CA5A: variants seen among roughly 807,000 people sequenced by gnomAD.
CA5A encodes the protein carbonic anhydrase 5A, mitochondrial.
Under a neutral mutation model 37.1 loss-of-function variants are expected in CA5A, and 28 were observed. The observed-to-expected ratio is 0.75, with a 90% CI of 0.56 to 1.03. CA5A has a LOEUF of 1.03. Among genes scored for constraint, CA5A ranks in the 50% least tolerant of loss-of-function variants. The probability of loss-of-function intolerance (pLI) is 0.00; values close to 1 mark genes in which losing one functional copy is unlikely to be tolerated. For synonymous variants in CA5A, 171 were observed against 158.4 expected, an observed-to-expected ratio of 1.08 and a Z score of -0.60; for missense variants, 444 against 399.9, an observed-to-expected ratio of 1.11 and a Z score of -0.94.
chr16:87,935,975 A>T (rs768456553), intron 1 of CA5A, among the ~76,000 whole-genome samples: 42 of 152,088 alleles, frequency 2.8e-4, no homozygotes, highest in Non-Finnish European at 5.9e-4. Flanking sequence ...GTTCGAGACC[A>T]ACCTGGCTAA....
At chr16:87,927,096 G>A (rs1019674623) in intron 1 of CA5A, 151 bp from the exon 2 acceptor site, 13 of 613,222 alleles carry the variant, frequency 2.1e-5, no homozygotes, top group African/African-American at 7.4e-5. Context: ...GGGCCCCTGC[G>A]CAGCGACGCA....
chr16:87,887,373 T>C (rs2055656941), downstream of CA5A: 1 of 152,126 alleles, frequency 6.6e-6, no homozygotes, highest in Non-Finnish European at 1.5e-5. Context: ...CCTCCCAAAG[T>C]GCTGGGATTA....
intron 2 of CA5A, among the ~76,000 whole-genome samples, chr16:87,919,341 A>G (rs1257526330): frequency 5.9e-5 from 9 of 152,270 alleles, no homozygotes; most frequent in East Asian, 1.9e-4. Flanking sequence ...CACTCTCCAA[A>G]CACACCTTGC....
intron 5 of CA5A, chr16:87,892,852 C>T (rs1315890912): frequency 5.4e-6 from 2 of 372,888 alleles, no homozygotes; most frequent in African/African-American, 2.2e-5. Context: ...GACAGGGTCT[C>T]ACCATGTTAG....
chr16:87,929,451 CAAAAA>C (rs138039345), intron 1 of CA5A, among the ~76,000 whole-genome samples: 40 of 88,138 alleles, frequency 4.5e-4, no homozygotes, highest in East Asian at 2.8e-3. Flanking sequence ...AATTCGGTCT[CAAAAA>C]AAAAAAAAAA....
At chr16:87,932,518 A>G (rs535272181) in intron 1 of CA5A, among the ~76,000 whole-genome samples, 186 of 152,318 alleles carry the variant, frequency 1.2e-3, no homozygotes, top group Non-Finnish European at 1.9e-3. Flanking sequence ...TAGGCTTCCA[A>G]TCTCCACACA....
At chr16:87,934,307 G>A (rs1244793147) in intron 1 of CA5A, among the ~76,000 whole-genome samples, 3 of 152,260 alleles carry the variant, frequency 2.0e-5, no homozygotes, top group Admixed American at 6.5e-5. Context: ...GGTGGCTCAC[G>A]CCTGCAATCC....
At chr16:87,886,711 CA>C (rs2055651225), downstream of CA5A, 1 of 152,026 alleles carries the variant, frequency 6.6e-6, no homozygotes, top group South Asian at 2.1e-4. Context: ...ATCGATCAAT[CA>C]ATAGATAGAT....
At chr16:87,916,929 C>T (rs1342567450) in intron 2 of CA5A, among the ~76,000 whole-genome samples, 1 of 151,752 alleles carries the variant, frequency 6.6e-6, no homozygotes, top group East Asian at 1.9e-4. Flanking sequence ...AGTGAAACCC[C>T]GTCTTTACTA....
At chr16:87,915,525 A>ATTTT (rs1162468866) in intron 2 of CA5A, among the ~76,000 whole-genome samples, 3 of 107,128 alleles carry the variant, frequency 2.8e-5, no homozygotes, top group Non-Finnish European at 3.9e-5. Flanking sequence ...CCTGTGTCAA[A>ATTTT]ATTTTTTTTT....
At chr16:87,906,942 C>T (rs980312701) in intron 2 of CA5A, among the ~76,000 whole-genome samples, 7 of 152,262 alleles carry the variant, frequency 4.6e-5, no homozygotes, top group Non-Finnish European at 1.0e-4. Flanking sequence ...TTAGGCCAGG[C>T]ACAGTGGCTC....
chr16:87,898,621 G>C (rs142614993), intron 5 of CA5A, among the ~76,000 whole-genome samples: 331 of 152,264 alleles, frequency 2.2e-3, no homozygotes, highest in Non-Finnish European at 3.8e-3. Context: ...GCAGACTTGA[G>C]TGTGTGAGTG....
intron 3 of CA5A, among the ~76,000 whole-genome samples, chr16:87,903,471 T>C (rs1181699020): frequency 6.6e-6 from 1 of 152,160 alleles, no homozygotes; most frequent in Non-Finnish European, 1.5e-5. Context: ...AAAATATCTG[T>C]TCATCAAAAA....
intron 2 of CA5A, chr16:87,923,843 T>C (rs933134429): frequency 3.0e-6 from 3 of 984,842 alleles, no homozygotes; most frequent in Middle Eastern, 5.2e-4. Flanking sequence ...TCTGTATCCA[T>C]GACAACTATT....
intron 2 of CA5A, among the ~76,000 whole-genome samples, chr16:87,925,845 C>G (rs2056298910): frequency 6.6e-6 from 1 of 151,802 alleles, no homozygotes; most frequent in Admixed American, 6.6e-5. Context: ...ACCTGCATCT[C>G]CCCGGACTGC....
chr16:87,905,525 A>G (rs1475667541), intron 2 of CA5A, among the ~76,000 whole-genome samples: 1 of 152,076 alleles, frequency 6.6e-6, no homozygotes, highest in Admixed American at 6.5e-5. Context: ...GGCCAAGCCA[A>G]TTTTTGTATT....
chr16:87,936,297 G>C lies in CA5A; in HGVS notation c.142+12C>G. ...TCCAGTCGCATCTTAGGAAATTTGAGGCTCTACTTACAAGTGTTATTGCTG... is the reference window on the plus strand; with the variant it reads ...TCCAGTCGCATCTTAGGAAATTTGACGCTCTACTTACAAGTGTTATTGCTG... On this transcript the variant is annotated intron_variant, in intron 1 of 6. Coordinates refer to ENST00000649794, the MANE Select transcript of CA5A (RefSeq NM_001739.2). The C allele has an allele frequency of 6.3e-7, 1 of 1,598,010 alleles. No homozygotes were observed. Among genetic ancestry groups the C allele is most frequent in the Non-Finnish European group, 8.6e-7 (1 of 1,165,784 alleles).
intron 2 of CA5A, chr16:87,923,512 G>A (rs2144052422): frequency 2.0e-6 from 2 of 981,860 alleles, no homozygotes; most frequent in East Asian, 1.1e-4. Context: ...AAGGGGGTCT[G>A]TCCACATACC....
intron 4 of CA5A, 127 bp from the exon 5 acceptor site, chr16:87,902,101 C>T: frequency 1.2e-6 from 1 of 844,552 alleles, no homozygotes; most frequent in Non-Finnish European, 2.0e-6. Context: ...TGCCTGTGAT[C>T]CTAGCACTGT....
Sources: allele counts gnomAD v4.1 joint callset (sites outside exome capture counted in the v4.1 genomes callset), GRCh38; gene constraint gnomAD v4.1.1; transcripts MANE v1.5; gene names NCBI Gene and HGNC (gene_info 2026-07-23, HGNC 2026-07-21).